NELL2: variants seen among roughly 807,000 people sequenced by gnomAD.
NELL2 encodes the protein protein kinase C-binding protein NELL2.
In NELL2, 41 loss-of-function variants were observed where a neutral mutation model predicts 109.6. That is an observed-to-expected ratio of 0.37 (90% CI 0.29 to 0.49). The LOEUF is 0.49. Ranked by LOEUF, NELL2 falls within the 20% of genes least tolerant of loss-of-function variation. The probability of loss-of-function intolerance (pLI) is 0.98; values close to 1 mark genes in which losing one functional copy is unlikely to be tolerated. For missense variants in NELL2, 900 were observed against 1,008.3 expected (o/e 0.89, Z 1.45); for synonymous variants, 355 against 344.7 (o/e 1.03, Z -0.33).
intron 12 of NELL2, among the ~76,000 whole-genome samples, chr12:44,668,480 C>T (rs898855035): frequency 2.0e-5 from 3 of 152,100 alleles, no homozygotes; most frequent in African/African-American, 7.2e-5. Context: ...GAGGATTGAT[C>T]CATCCTACCT....
intron 9 of NELL2, among the ~76,000 whole-genome samples, chr12:44,738,559 T>C (rs1465570032): frequency 1.3e-5 from 2 of 151,312 alleles, no homozygotes; most frequent in Non-Finnish European, 2.9e-5. Flanking sequence ...TGCCAGACAC[T>C]GAAAGACAAA....
intron 15 of NELL2, among the ~76,000 whole-genome samples, chr12:44,574,932 T>C (rs529034215): frequency 7.1e-4 from 108 of 152,218 alleles, no homozygotes; most frequent in Non-Finnish European, 1.3e-3. Flanking sequence ...AAGACAAAAC[T>C]ATTTTTTATA....
chr12:44,559,248 C>T (rs199723412), intron 15 of NELL2, among the ~76,000 whole-genome samples: 1 of 150,720 alleles, frequency 6.6e-6, no homozygotes, highest in Non-Finnish European at 1.5e-5. Flanking sequence ...AGACCATTGA[C>T]ACTATGAAGA....
chr12:44,656,616 C>T (rs1592279610), intron 13 of NELL2, among the ~76,000 whole-genome samples: 1 of 152,286 alleles, frequency 6.6e-6, no homozygotes. Context: ...ACTAAAATAA[C>T]TTTGTTTAAT....
chr12:44,576,693 T>TC, intron 15 of NELL2, among the ~76,000 whole-genome samples: 1 of 152,222 alleles, frequency 6.6e-6, no homozygotes, highest in African/African-American at 2.4e-5. Context: ...ATGCTATTCC[T>TC]CCCCCCACCA....
intron 9 of NELL2, among the ~76,000 whole-genome samples, chr12:44,741,462 C>G (rs894833182): frequency 2.0e-5 from 3 of 152,138 alleles, no homozygotes; most frequent in African/African-American, 7.2e-5. Context: ...GGGTGCAGGA[C>G]AGTGGGTGCA....
At chr12:44,629,952 T>C (rs1020514881) in intron 13 of NELL2, among the ~76,000 whole-genome samples, 3 of 152,326 alleles carry the variant, frequency 2.0e-5, no homozygotes, top group Admixed American at 6.5e-5. Context: ...TGTTGGTTGG[T>C]TACATATTAT....
intron 15 of NELL2, among the ~76,000 whole-genome samples, chr12:44,603,426 T>C (rs1209406591): frequency 3.3e-5 from 5 of 152,182 alleles, no homozygotes; most frequent in Admixed American, 3.3e-4. Context: ...TAGCTTTGTA[T>C]ATTAATTAGA....
At chr12:44,749,035 C>T (rs1352144787) in intron 9 of NELL2, among the ~76,000 whole-genome samples, 1 of 152,134 alleles carries the variant, frequency 6.6e-6, no homozygotes, top group Non-Finnish European at 1.5e-5. Context: ...ATTAGCCTTG[C>T]ACGATGAAAT....
At chr12:44,637,064 T>A (rs1946665034) in intron 13 of NELL2, among the ~76,000 whole-genome samples, 1 of 152,146 alleles carries the variant, frequency 6.6e-6, no homozygotes, top group African/African-American at 2.4e-5. Context: ...TATTCTCTGA[T>A]GGCAGTTTGT....
At chr12:44,557,040 A>C (rs1050819432) in intron 15 of NELL2, among the ~76,000 whole-genome samples, 3 of 152,188 alleles carry the variant, frequency 2.0e-5, no homozygotes, top group African/African-American at 7.2e-5. Flanking sequence ...TAGAGTGTTC[A>C]ATAATGAATT....
At chr12:44,785,814 C>G (rs543470162) in intron 3 of NELL2, among the ~76,000 whole-genome samples, 1 of 152,292 alleles carries the variant, frequency 6.6e-6, no homozygotes, top group South Asian at 2.1e-4. Flanking sequence ...GCTGGAAAAA[C>G]TGGCTAGCCA....
At chr12:44,754,959 C>T (rs1027391692) in intron 9 of NELL2, among the ~76,000 whole-genome samples, 1 of 152,186 alleles carries the variant, frequency 6.6e-6, no homozygotes, top group Non-Finnish European at 1.5e-5. Flanking sequence ...TTTTCCCCCA[C>T]TTTGTGAACC....
chr12:44,646,659 G>T (rs1947106045), intron 13 of NELL2, among the ~76,000 whole-genome samples: 1 of 152,160 alleles, frequency 6.6e-6, no homozygotes, highest in Non-Finnish European at 1.5e-5. Flanking sequence ...GATGACTGAA[G>T]CCATGGAAAG....
intron 15 of NELL2, among the ~76,000 whole-genome samples, chr12:44,602,979 T>A (rs11182552): frequency 6.6e-6 from 1 of 151,698 alleles, no homozygotes; most frequent in Non-Finnish European, 1.5e-5. Flanking sequence ...TAAAATAAAC[T>A]TAAAAAAAAT....
chr12:44,821,874 C>T (rs948429389), intron 2 of NELL2, among the ~76,000 whole-genome samples: 5 of 150,204 alleles, frequency 3.3e-5, no homozygotes, highest in East Asian at 2.0e-4. Flanking sequence ...TGCACCACCA[C>T]GCCCGGCTGG....
rs115179721 is a variant in NELL2, at chr12:44,859,051, G to A, written c.184+16174C>T. ...CTACAATTTGTCATATATAGACTAG[G>A]ATACAATTTTCCTAGTTTTCTAATC... is the stretch of plus-strand genomic sequence containing the variant. On this transcript the variant is annotated intron_variant, in intron 2 of 19. Transcript: ENST00000429094. Among the ~76,000 whole-genome samples, 736 of 152,208 alleles carry A rather than the reference G, an allele frequency of 4.8e-3. 6 individuals are homozygous for A. Among genetic ancestry groups the A allele is most frequent in the African/African-American group, 0.017 (693 of 41,538 alleles).
At chr12:44,564,004 G>C (rs1943567413) in intron 15 of NELL2, among the ~76,000 whole-genome samples, 1 of 152,024 alleles carries the variant, frequency 6.6e-6, no homozygotes, top group Non-Finnish European at 1.5e-5. Context: ...CAACTATTTT[G>C]GAAAAGTACA....
chr12:44,918,847 T>C (rs756217767), upstream of NELL2, among the ~76,000 whole-genome samples: 4 of 152,152 alleles, frequency 2.6e-5, no homozygotes, highest in East Asian at 1.9e-4. Context: ...TAGTCAGCCA[T>C]TGCTTCCCTC....
Sources: allele counts gnomAD v4.1 joint callset (sites outside exome capture counted in the v4.1 genomes callset), GRCh38; gene constraint gnomAD v4.1.1; transcripts MANE v1.5; gene names NCBI Gene and HGNC (gene_info 2026-07-23, HGNC 2026-07-21).